Variants in BCAS1 observed in about 807,000 individuals in gnomAD.
The protein encoded by BCAS1 is brain enriched myelin associated protein 1.
Under a neutral mutation model 65.4 loss-of-function variants are expected in BCAS1, and 46 were observed. The observed-to-expected ratio is 0.70, with a 90% CI of 0.55 to 0.90. BCAS1 has a LOEUF of 0.90. Ranked by LOEUF, BCAS1 falls within the 40% of genes least tolerant of loss-of-function variation. The pLI, the probability that BCAS1 is intolerant of heterozygous loss-of-function variation, is 0.00. For synonymous variants in BCAS1, 298 were observed against 293.5 expected (o/e 1.02, Z -0.16); for missense variants, 793 against 771.2 (o/e 1.03, Z -0.33).
At chr20:53,989,457 C>T (rs1203953083) in intron 7 of BCAS1, among the ~76,000 whole-genome samples, 1 of 152,134 alleles carries the variant, frequency 6.6e-6, no homozygotes, top group Non-Finnish European at 1.5e-5. Context: ...ATTACGTCCC[C>T]AATTCCCATC....
In BCAS1 at chr20:54,044,819, C is replaced by T. The variant is rs73277811; in HGVS notation, c.142+13266G>A. On this transcript the variant is annotated intron_variant, in intron 3 of 12. Coordinates refer to ENST00000688948, the MANE Select transcript of BCAS1 (RefSeq NM_001366298.2). ...TACCACTGCACTCCAGCTTGGGCAG[C>T]GGAAGGAGACTCTGTCTCAAAAAAA... Among the ~76,000 whole-genome samples the T allele has an allele frequency of 2.5e-3, 351 of 142,296 alleles. 2 individuals carry two copies. The highest frequency in any genetic ancestry group is 9.1e-3 in the African/African-American group (339 of 37,276). The allele number at this position is 142,296 out of a possible 152,430, so 93.4% of individuals were successfully genotyped here. A position where few individuals can be genotyped will look rare whatever the true frequency, so the allele number is the denominator to read the frequency against.
intron 3 of BCAS1, among the ~76,000 whole-genome samples, chr20:54,045,476 CTAGT>C (rs920323291): frequency 3.3e-5 from 5 of 152,146 alleles, no homozygotes; most frequent in Middle Eastern, 3.4e-3. Context: ...CTGTATGGGG[CTAGT>C]TAAAGTAAAT....
chr20:54,015,213 G>A (rs208644), intron 4 of BCAS1, among the ~76,000 whole-genome samples: 48,398 of 151,824 alleles, frequency 0.32, 8,010 homozygotes, highest in South Asian at 0.41. Context: ...TGTATTTTCA[G>A]TAGAGATGGG....
chr20:53,955,959 G>A (rs2089684938), intron 11 of BCAS1, among the ~76,000 whole-genome samples: 1 of 152,006 alleles, frequency 6.6e-6, no homozygotes, highest in East Asian at 1.9e-4. Flanking sequence ...TATATTTCCT[G>A]TTTAAAAATG....
rs371214771 is a variant in BCAS1 at position 53,960,665 on chromosome 20, T to TTTCC, written c.1486-3172_1486-3169dup. Among the ~76,000 whole-genome samples, 211 of 151,836 alleles carry TTTCC rather than the reference T, an allele frequency of 1.4e-3. 2 individuals are homozygous for TTTCC. Among genetic ancestry groups the TTTCC allele is most frequent in the African/African-American group, 4.5e-3 (187 of 41,420 alleles). On this transcript the variant is annotated intron_variant, in intron 10 of 12. Coordinates refer to ENST00000688948, the MANE Select transcript of BCAS1 (RefSeq NM_001366298.2). ...CAGCAGTTATTATTAATAACAACTG[T>TTTCC]TTCCTTCCTTCCTTCCTTCCTTCTT...
Position 54,024,697 on chromosome 20 carries a change from G to C in BCAS1, c.723+3695C>G, listed in dbSNP as rs2299714. ...AAGGAGATGATGGAAGAGTACCAGG[G>C]AGGTGGAAGGATGTTGTTTCAAACA... is the stretch of plus-strand genomic sequence containing the variant. On this transcript the variant is annotated intron_variant, in intron 4 of 12. Coordinates refer to ENST00000688948, the MANE Select transcript of BCAS1 (RefSeq NM_001366298.2). Among the ~76,000 whole-genome samples, 500 of 152,314 alleles carry C rather than the reference G, an allele frequency of 3.3e-3. 19 individuals are homozygous for C. The East Asian group carries it at 0.075, about 23-fold the overall frequency.
At chr20:54,052,956 C>T (rs1254343747) in intron 3 of BCAS1, among the ~76,000 whole-genome samples, 1 of 152,090 alleles carries the variant, frequency 6.6e-6, no homozygotes, top group Non-Finnish European at 1.5e-5. Flanking sequence ...TTTTTGGGTT[C>T]AAATAAAACA....
intron 10 of BCAS1, among the ~76,000 whole-genome samples, chr20:53,959,227 A>G (rs1468300765): frequency 6.6e-6 from 1 of 151,550 alleles, no homozygotes; most frequent in Non-Finnish European, 1.5e-5. Context: ...GATAGATAGG[A>G]CTACAGGTGT....
chr20:53,980,596 A>G (rs1207596490), intron 8 of BCAS1, among the ~76,000 whole-genome samples: 1 of 152,210 alleles, frequency 6.6e-6, no homozygotes, highest in Non-Finnish European at 1.5e-5. Context: ...CTAGGTCTCT[A>G]TTGGAACATC....
rs1600667720 is a variant in BCAS1, at chr20:53,944,399, C to T, written c.*523G>A. 1 of 153,886 alleles carries T rather than the reference C, an allele frequency of 6.5e-6. No homozygotes were observed. The highest frequency in any genetic ancestry group is 2.4e-5 in the African/African-American group (1 of 41,396). The allele number at this position is 153,886 out of a possible 1,614,324, so 9.5% of individuals were successfully genotyped here. On this transcript the variant is annotated 3_prime_UTR_variant, in exon 13 of 13. Coordinates refer to ENST00000688948, the MANE Select transcript of BCAS1 (RefSeq NM_001366298.2). ...CTTCGGCTCACTGCAACCTCCACCTCCTGGGTACAAGCGGTTCTCGTGCGT... is the reference window on the plus strand; with the variant it reads ...CTTCGGCTCACTGCAACCTCCACCTTCTGGGTACAAGCGGTTCTCGTGCGT...
chr20:53,947,192 G>A (rs1490215520), intron 12 of BCAS1, among the ~76,000 whole-genome samples: 10 of 152,238 alleles, frequency 6.6e-5, no homozygotes, highest in African/African-American at 2.2e-4. Context: ...TAATTTTACC[G>A]TTGATAAAAT....
At chr20:54,066,198 G>A (rs2092439697) in intron 1 of BCAS1, among the ~76,000 whole-genome samples, 1 of 151,676 alleles carries the variant, frequency 6.6e-6, no homozygotes. Context: ...TCAGTCTCCC[G>A]AGTAGCTGGG....
chr20:54,036,209 C>T (rs2091897428), intron 3 of BCAS1, among the ~76,000 whole-genome samples: 1 of 150,750 alleles, frequency 6.6e-6, no homozygotes, highest in Non-Finnish European at 1.5e-5. Flanking sequence ...AACAAACCTG[C>T]CCGTGTACCC....
intron 9 of BCAS1, among the ~76,000 whole-genome samples, chr20:53,971,840 A>AT (rs1356435406): frequency 2.0e-5 from 3 of 152,166 alleles, no homozygotes; most frequent in African/African-American, 7.2e-5. Flanking sequence ...AAGGAAAGAA[A>AT]TTTTTTTCAT....
Position 53,985,280 on chromosome 20 carries a change from G to A in BCAS1, c.1275+7C>T. The A allele has an allele frequency of 6.2e-7, 1 of 1,612,496 alleles. No homozygotes were observed. The highest frequency in any genetic ancestry group is 8.5e-7 in the Non-Finnish European group (1 of 1,179,754). ...ACGACTCTCTAACGCTTGAAAATCA[G>A]ACTTACCTTTTTCCAAAACAGTTTG... On this transcript the variant is annotated splice_region_variant and intron_variant, in intron 8 of 12. Transcript: ENST00000688948.
intron 4 of BCAS1, among the ~76,000 whole-genome samples, chr20:54,007,583 C>G (rs978263817): frequency 1.3e-5 from 2 of 152,214 alleles, no homozygotes; most frequent in African/African-American, 4.8e-5. Context: ...CTGCCTTGGA[C>G]AGACAGTAGC....
intron 3 of BCAS1, among the ~76,000 whole-genome samples, chr20:54,031,319 T>C (rs572783925): frequency 4.0e-5 from 6 of 151,600 alleles, no homozygotes; most frequent in African/African-American, 1.4e-4. Context: ...TTAGTGATTA[T>C]AGCAAATCCA....
intron 12 of BCAS1, among the ~76,000 whole-genome samples, chr20:53,948,911 C>G (rs1462625582): frequency 6.6e-6 from 1 of 152,224 alleles, no homozygotes; most frequent in Non-Finnish European, 1.5e-5. Flanking sequence ...CCCTCGGTCT[C>G]AGGCTCCTTG....
chr20:53,959,669 A>G (rs1426958750), intron 10 of BCAS1, among the ~76,000 whole-genome samples: 1 of 152,194 alleles, frequency 6.6e-6, no homozygotes, highest in Non-Finnish European at 1.5e-5. Context: ...AAGCACTGGG[A>G]TTACAGAAGG....
Sources: allele counts gnomAD v4.1 joint callset (sites outside exome capture counted in the v4.1 genomes callset), GRCh38; gene constraint gnomAD v4.1.1; transcripts MANE v1.5; gene names NCBI Gene and HGNC (gene_info 2026-07-23, HGNC 2026-07-21).